Variants in PUM2 observed in about 807,000 individuals in gnomAD.
PUM2 encodes pumilio RNA binding family member 2.
PUM2 carries 57 observed loss-of-function variants against 124.5 expected under a neutral mutation model. The ratio of observed to expected loss-of-function variants is 0.46; its 90% CI spans 0.37 to 0.57. The LOEUF (loss-of-function observed/expected upper bound fraction) is 0.57. Among genes scored for constraint, PUM2 ranks in the 20% least tolerant of loss-of-function variants. The pLI is 0.00. For synonymous variants in PUM2, 460 were observed against 446.1 expected, an observed-to-expected ratio of 1.03 and a Z score of -0.39; for missense variants, 1,065 against 1,290.6, an observed-to-expected ratio of 0.83 and a Z score of 2.68.
At chr2:20,258,477 G>A (rs1180778037) in intron 15 of PUM2, 106 bp from the exon 16 acceptor site, 2 of 1,094,094 alleles carry the variant, frequency 1.8e-6, no homozygotes, top group East Asian at 2.6e-5. Context: ...TAACTATGTA[G>A]GGCAGGGGCT....
intron 3 of PUM2, among the ~76,000 whole-genome samples, chr2:20,312,859 A>C (rs951989365): frequency 1.3e-5 from 2 of 152,220 alleles, no homozygotes; most frequent in Admixed American, 1.3e-4. Context: ...TGGTACTGGT[A>C]CCAAAACAGA....
intron 1 of PUM2, among the ~76,000 whole-genome samples, chr2:20,337,236 G>A (rs1393799672): frequency 1.3e-5 from 2 of 152,058 alleles, no homozygotes. Flanking sequence ...AAAAATCAGG[G>A]AAACTCAAAT....
At chr2:20,322,752 G>T (rs1226099096) in intron 2 of PUM2, among the ~76,000 whole-genome samples, 1 of 152,142 alleles carries the variant, frequency 6.6e-6, no homozygotes, top group Non-Finnish European at 1.5e-5. Context: ...GCAGTAAGTT[G>T]AGACAATGCC....
intron 8 of PUM2, among the ~76,000 whole-genome samples, chr2:20,296,555 C>T (rs1675627493): frequency 6.6e-6 from 1 of 151,660 alleles, no homozygotes; most frequent in South Asian, 2.1e-4. Flanking sequence ...GGGTTTCAAA[C>T]TGATTAGTGA....
intron 2 of PUM2, among the ~76,000 whole-genome samples, chr2:20,320,666 C>T (rs886713184): frequency 1.3e-5 from 2 of 151,892 alleles, no homozygotes; most frequent in African/African-American, 4.8e-5. Context: ...AAAGAGCAGA[C>T]ATTTTAAACA....
At chr2:20,274,943 A>G (rs62123445) in intron 13 of PUM2, among the ~76,000 whole-genome samples, 4,539 of 122,184 alleles carry the variant, frequency 0.037, 106 homozygotes, top group Middle Eastern at 0.06. Context: ...TCTTCACAAC[A>G]AGTGAAGTAT....
chr2:20,326,449 A>T, intron 2 of PUM2: 2 of 1,288,318 alleles, frequency 1.6e-6, no homozygotes, highest in Non-Finnish European at 2.1e-6. Context: ...AAGGTAAAAT[A>T]ATCTCCAGGA....
rs148620907 is a variant in PUM2, at chr2:20,274,795, C to G, written c.1957+3788G>C. Among the ~76,000 whole-genome samples the G allele has an allele frequency of 8.2e-3, 1,232 of 151,134 alleles. 11 individuals carry two copies. Among genetic ancestry groups the G allele is most frequent in the Non-Finnish European group, 0.011 (716 of 67,722 alleles). The stretch of plus-strand genomic sequence containing the variant: ...AGTAAGTTCCACATCAATCAAATTA[C>G]TATGAGCACAAAGACTGGAGTTAAA... On this transcript the variant is annotated intron_variant, in intron 13 of 20. Coordinates refer to ENST00000361078, the MANE Select transcript of PUM2 (RefSeq NM_015317.5).
In PUM2 at chr2:20,350,573, A is replaced by C. The variant is rs1038886153; in HGVS notation, c.-19+24T>G. On this transcript the variant is annotated intron_variant, in intron 1 of 20. Transcript: ENST00000361078. ...CTCGACGGCGCCAAAGGACCGGAGAAAGAGCGAACGCGGACTGACTTACAG... is the reference window on the plus strand; with the variant it reads ...CTCGACGGCGCCAAAGGACCGGAGACAGAGCGAACGCGGACTGACTTACAG... 663 of 985,300 alleles carry C rather than the reference A, an allele frequency of 6.7e-4. 1 individual carries two copies. Among genetic ancestry groups the C allele is most frequent in the Non-Finnish European group, 7.7e-4 (637 of 829,938 alleles). The allele number at this position is 985,300 out of a possible 1,614,324, so 61.0% of individuals were successfully genotyped here. A position where few individuals can be genotyped will look rare whatever the true frequency, so the allele number is the denominator to read the frequency against.
chr2:20,271,306 A>T (rs1446016521), intron 13 of PUM2, among the ~76,000 whole-genome samples: 1 of 152,166 alleles, frequency 6.6e-6, no homozygotes, highest in Non-Finnish European at 1.5e-5. Flanking sequence ...AAGTATTACA[A>T]ACAAGATTCT....
chr2:20,308,180 A>T, intron 6 of PUM2, 109 bp from the exon 7 acceptor site: 1 of 1,473,740 alleles, frequency 6.8e-7, no homozygotes, highest in Non-Finnish European at 9.2e-7. Context: ...GACTTTCTCA[A>T]ATACAGGACA....
At position 20,325,009 on chromosome 2, in the gene PUM2, T is replaced by C. The variant is rs572651653; in HGVS notation, c.51+2301A>G. The stretch of plus-strand genomic sequence containing the variant: ...CAAGGCTGCTTTTAATTTATTCCAA[T>C]GAATGAATTCTGGGATATAACAAAA... On this transcript the variant is annotated intron_variant, in intron 2 of 20. Transcript: ENST00000361078. Among the ~76,000 whole-genome samples the C allele has an allele frequency of 1.7e-4, 26 of 149,250 alleles. No homozygotes were observed. The South Asian group carries it at 5.3e-3, about 30-fold the overall frequency.
intron 10 of PUM2, among the ~76,000 whole-genome samples, chr2:20,285,515 A>G (rs1176811721): frequency 6.6e-6 from 1 of 152,112 alleles, no homozygotes; most frequent in East Asian, 1.9e-4. Context: ...ATGGGGGTTC[A>G]AACTCCTCAG....
chr2:20,342,609 A>C (rs1687445982), intron 1 of PUM2, among the ~76,000 whole-genome samples: 1 of 152,216 alleles, frequency 6.6e-6, no homozygotes, highest in South Asian at 2.1e-4. Flanking sequence ...TAGAATAGAG[A>C]TTTAATTTTT....
intron 12 of PUM2, among the ~76,000 whole-genome samples, chr2:20,280,379 A>G (rs1035063177): frequency 5.9e-5 from 9 of 152,188 alleles, no homozygotes; most frequent in African/African-American, 2.2e-4. Context: ...AGCACATGTA[A>G]TAAACAGTTA....
chr2:20,339,790 G>A (rs1686871554), intron 1 of PUM2, among the ~76,000 whole-genome samples: 1 of 152,182 alleles, frequency 6.6e-6, no homozygotes, highest in South Asian at 2.1e-4. Flanking sequence ...TGAAGCAGGA[G>A]AATCACTTGA....
At chr2:20,283,729 G>A (rs772945169) in intron 10 of PUM2, among the ~76,000 whole-genome samples, 6 of 151,864 alleles carry the variant, frequency 4.0e-5, no homozygotes, top group Non-Finnish European at 7.4e-5. Flanking sequence ...AAATGAAGAG[G>A]TATTTTCCTT....
At chr2:20,300,787 G>GAA (rs200897444) in intron 7 of PUM2, among the ~76,000 whole-genome samples, 16 of 61,474 alleles carry the variant, frequency 2.6e-4, no homozygotes, top group African/African-American at 3.8e-4. Flanking sequence ...GATTGAAAGA[G>GAA]AAAAAAAAAA....
At chr2:20,306,463 T>C (rs577749552) in intron 7 of PUM2, among the ~76,000 whole-genome samples, 1 of 151,842 alleles carries the variant, frequency 6.6e-6, no homozygotes, top group South Asian at 2.1e-4. Flanking sequence ...TGTCCATGAA[T>C]AGACAGGTAG....
Sources: allele counts gnomAD v4.1 joint callset (sites outside exome capture counted in the v4.1 genomes callset), GRCh38; gene constraint gnomAD v4.1.1; transcripts MANE v1.5; gene names NCBI Gene and HGNC (gene_info 2026-07-23, HGNC 2026-07-21).